TM9SF2: variants seen among roughly 807,000 people sequenced by gnomAD.
TM9SF2 encodes the protein transmembrane 9 superfamily member 2, also known as 76 kDa membrane protein.
In TM9SF2, 13 loss-of-function variants were observed where a neutral mutation model predicts 84.9. That is an observed-to-expected ratio of 0.15 (90% CI 0.10 to 0.24). TM9SF2 has a LOEUF of 0.24. TM9SF2 is among the 10% of genes least tolerant of loss of function. The pLI, the probability that TM9SF2 is intolerant of heterozygous loss-of-function variation, is 1.00. For missense variants in TM9SF2, 562 were observed against 818.5 expected (o/e 0.69, Z 3.82); for synonymous variants, 273 against 285.8 (o/e 0.96, Z 0.45).
chr13:99,544,996 G>C (rs545466220), intron 10 of TM9SF2, among the ~76,000 whole-genome samples: 3 of 152,032 alleles, frequency 2.0e-5, no homozygotes, highest in South Asian at 4.2e-4. Context: ...AGATAAAAAA[G>C]GTTTATGAAT....
intron 1 of TM9SF2, among the ~76,000 whole-genome samples, chr13:99,515,838 T>G (rs1204227462): frequency 6.7e-6 from 1 of 150,292 alleles, no homozygotes; most frequent in Non-Finnish European, 1.5e-5. Flanking sequence ...GTTCAAGCAA[T>G]TCTCCTGCCC....
At chr13:99,548,043 G>C (rs1485976398) in intron 11 of TM9SF2, among the ~76,000 whole-genome samples, 2 of 152,150 alleles carry the variant, frequency 1.3e-5, no homozygotes, top group Non-Finnish European at 2.9e-5. Flanking sequence ...AAGGAGGTAG[G>C]ATTAGGGCCA....
At chr13:99,503,109 CTG>C (rs1566560929) in intron 1 of TM9SF2, among the ~76,000 whole-genome samples, 1 of 152,202 alleles carries the variant, frequency 6.6e-6, no homozygotes, top group Non-Finnish European at 1.5e-5. Context: ...GACTGAAAGA[CTG>C]TTGTTGTGCT....
At chr13:99,558,036 C>T (rs981514322) in intron 15 of TM9SF2, among the ~76,000 whole-genome samples, 2 of 152,200 alleles carry the variant, frequency 1.3e-5, no homozygotes, top group African/African-American at 2.4e-5. Context: ...CATTATTTGA[C>T]GTGTGGATAT....
At position 99,503,001 on chromosome 13, in the gene TM9SF2, A is replaced by G. The variant is rs138781797; in HGVS notation, c.171+1224A>G. ...AAACCTTGTATCTGAAAAAATATCTAAGGATATTTAAGGTTTACTCAAGTC... is the reference window on the plus strand; with the variant it reads ...AAACCTTGTATCTGAAAAAATATCTGAGGATATTTAAGGTTTACTCAAGTC... On this transcript the variant is annotated intron_variant, in intron 1 of 16. Coordinates refer to ENST00000376387, the MANE Select transcript of TM9SF2 (RefSeq NM_004800.3). Among the ~76,000 whole-genome samples, 187 of 152,312 alleles carry G rather than the reference A, an allele frequency of 1.2e-3. 2 individuals carry two copies. The highest frequency in any genetic ancestry group is 4.3e-3 in the African/African-American group (177 of 41,554).
At chr13:99,501,927 C>A in intron 1 of TM9SF2, 150 bp downstream of exon 1, 2 of 1,125,834 alleles carry the variant, frequency 1.8e-6, no homozygotes, top group South Asian at 1.6e-5. Context: ...GTCTGCTGGG[C>A]TGTGGGTGGG....
chr13:99,537,619 A>C, intron 5 of TM9SF2, 120 bp from the exon 6 acceptor site: 1 of 785,890 alleles, frequency 1.3e-6, no homozygotes, highest in Non-Finnish European at 1.9e-6. Context: ...TTAATGTGAA[A>C]GGCTTAAAAT....
rs1216693656 is a variant in TM9SF2 at position 99,552,248 on chromosome 13, G to A, written c.1410G>A (p.Leu470=). The A allele has an allele frequency of 3.3e-5, 53 of 1,614,014 alleles. No homozygotes were observed. Among genetic ancestry groups the A allele is most frequent in the Non-Finnish European group, 4.5e-5 (53 of 1,180,006 alleles). ...GSSAAIPFGT[L]VAILALWFCI... ...CAGCAGCTATTCCTTTTGGGACACT[G>A]GTTGCCATATTGGCCCTTTGGTTCT... Residue 470 remains leucine, a synonymous_variant, in exon 13 of 17, where the codon CTG becomes CTA. Transcript: ENST00000376387.
intron 12 of TM9SF2, among the ~76,000 whole-genome samples, chr13:99,549,482 A>G (rs1300519585): frequency 1.3e-5 from 2 of 152,186 alleles, no homozygotes; most frequent in Non-Finnish European, 2.9e-5. Context: ...CTTGGTTTTT[A>G]GTGGTCAGTC....
At chr13:99,542,149 CAA>C (rs111678997) in intron 9 of TM9SF2, among the ~76,000 whole-genome samples, 12,264 of 113,078 alleles carry the variant, frequency 0.11, 638 homozygotes, top group East Asian at 0.23. Flanking sequence ...GACTCTGTCT[CAA>C]AAAAAAAAAA....
chr13:99,544,020 A>G, intron 10 of TM9SF2, 25 bp downstream of exon 10: 1 of 1,609,512 alleles, frequency 6.2e-7, no homozygotes, highest in Non-Finnish European at 8.5e-7. Context: ...AAAATTTTCA[A>G]GTAGAAAATA....
At chr13:99,519,381 T>G (rs577239957) in intron 2 of TM9SF2, among the ~76,000 whole-genome samples, 1 of 152,166 alleles carries the variant, frequency 6.6e-6, no homozygotes, top group Non-Finnish European at 1.5e-5. Flanking sequence ...ATCTCAGATA[T>G]TCCCCATATC....
chr13:99,515,054 A>G (rs2046128368), intron 1 of TM9SF2, among the ~76,000 whole-genome samples: 1 of 152,224 alleles, frequency 6.6e-6, no homozygotes, highest in South Asian at 2.1e-4. Flanking sequence ...CTTGCTTCTT[A>G]ATCATTTCGT....
At position 99,529,667 on chromosome 13, in the gene TM9SF2, A is replaced by T. The variant is rs1381548380; in HGVS notation, c.461+73A>T. On this transcript the variant is annotated intron_variant, in intron 4 of 16. Coordinates refer to ENST00000376387, the MANE Select transcript of TM9SF2 (RefSeq NM_004800.3). Reference sequence around the variant, plus strand: ...AATCTTTGTTGCTTTGACTATATAAATTACTTGATTGTGTAAAATATAGCA... The same window carrying T: ...AATCTTTGTTGCTTTGACTATATAATTTACTTGATTGTGTAAAATATAGCA... The T allele has an allele frequency of 2.2e-6, 3 of 1,364,134 alleles. No homozygotes were observed. In the African/African-American group the frequency reaches 4.5e-5, roughly 20 times the overall value. The allele number at this position is 1,364,134 out of a possible 1,614,324, so 84.5% of individuals were successfully genotyped here.
chr13:99,520,542 C>T (rs921916488), intron 3 of TM9SF2, among the ~76,000 whole-genome samples: 3 of 152,096 alleles, frequency 2.0e-5, no homozygotes, highest in East Asian at 1.9e-4. Context: ...GCTGCCTGGG[C>T]TCCCGCACTG....
At chr13:99,561,869 A>G (rs769573914) in intron 16 of TM9SF2, among the ~76,000 whole-genome samples, 3 of 152,244 alleles carry the variant, frequency 2.0e-5, no homozygotes, top group Non-Finnish European at 2.9e-5. Flanking sequence ...CCATGTGACC[A>G]TGAGACAGTC....
Position 99,540,719 on chromosome 13 carries a change from T to G in TM9SF2, c.834T>G (p.Asp278Glu). The G allele has an allele frequency of 1.9e-6, 3 of 1,613,582 alleles. No individual in the cohort carries two copies. Among genetic ancestry groups the G allele is most frequent in the Non-Finnish European group, 2.5e-6 (3 of 1,179,748 alleles). Residue 278 changes from aspartate to glutamate, a missense_variant, in exon 8 of 17, where the codon GAT becomes GAG. Physicochemically the swap from Asp to Glu is conservative, Grantham distance 45 (BLOSUM62 2). This residue lies in a region of TM9SF2 where 219 missense variants were observed against 338.1 expected (regional missense o/e 0.65). Coordinates refer to ENST00000376387, the MANE Select transcript of TM9SF2 (RefSeq NM_004800.3). The stretch of plus-strand genomic sequence containing the variant: ...GATTTTTTAATCTCCTCTAGGAAGA[T>G]GATAAGATCAGATGGGCGTCTAGAT... ...AYTYSVSFEE[D>E]DKIRWASRWD...
chr13:99,529,316 T>G, intron 3 of TM9SF2, 151 bp from the exon 4 acceptor site: 11 of 560,784 alleles, frequency 2.0e-5, no homozygotes, highest in Middle Eastern at 5.5e-4. Context: ...TAAATCTGAT[T>G]GAGCTATGAG....
Position 99,562,822 on chromosome 13 carries a change from T to G in TM9SF2, c.*64T>G. 6.7e-7 allele frequency: 1 copy of G among 1,500,534 alleles called. No individual in the cohort carries two copies. The highest frequency in any genetic ancestry group is 9.2e-7 in the Non-Finnish European group (1 of 1,088,280). The allele number at this position is 1,500,534 out of a possible 1,614,324, so 93.0% of individuals were successfully genotyped here. A position where few individuals can be genotyped will look rare whatever the true frequency, so the allele number is the denominator to read the frequency against. ...AACTCTTCATCAACAAAGACCTGTT[T>G]TTGTGACTGCCTTGAGTTTTATCAG... On this transcript the variant is annotated 3_prime_UTR_variant, in exon 17 of 17. Transcript: ENST00000376387.
Sources: allele counts gnomAD v4.1 joint callset (sites outside exome capture counted in the v4.1 genomes callset), GRCh38; gene constraint gnomAD v4.1.1; regional missense constraint gnomAD v4.1.1; transcripts MANE v1.5; gene names NCBI Gene and HGNC (gene_info 2026-07-23, HGNC 2026-07-21).